The following RAB7A variants were observed in gnomAD, a reference collection of about 807,000 sequenced individuals.
RAB7A encodes ras-related protein Rab-7a.
RAB7A carries 2 observed loss-of-function variants against 24.5 expected under a neutral mutation model. That is an observed-to-expected ratio of 0.08 (90% CI 0.03 to 0.26). The LOEUF (loss-of-function observed/expected upper bound fraction) is 0.26. RAB7A is among the 10% of genes least tolerant of loss of function. The probability of loss-of-function intolerance (pLI) is 1.00; values close to 1 mark genes in which losing one functional copy is unlikely to be tolerated. For missense variants in RAB7A, 118 were observed against 255.7 expected, an observed-to-expected ratio of 0.46 and a Z score of 3.67; for synonymous variants, 100 against 95.9, an observed-to-expected ratio of 1.04 and a Z score of -0.25.
intron 1 of RAB7A, among the ~76,000 whole-genome samples, chr3:128,794,418 G>A (rs930796130): frequency 2.6e-5 from 4 of 152,124 alleles, no homozygotes; most frequent in African/African-American, 7.2e-5. Flanking sequence ...ATTAATAAGC[G>A]GCAAAACCAG....
At chr3:128,793,254 C>A (rs1228581221) in intron 1 of RAB7A, among the ~76,000 whole-genome samples, 1 of 152,152 alleles carries the variant, frequency 6.6e-6, no homozygotes, top group Non-Finnish European at 1.5e-5. Flanking sequence ...ATCTCCTGAT[C>A]TCATGATCCG....
chr3:128,775,272 T>A (rs1183262758), intron 1 of RAB7A, among the ~76,000 whole-genome samples: 1 of 152,208 alleles, frequency 6.6e-6, no homozygotes, highest in Non-Finnish European at 1.5e-5. Flanking sequence ...GCCACCTGGC[T>A]TTTAGTGAGA....
At chr3:128,772,561 T>C (rs1488297939) in intron 1 of RAB7A, among the ~76,000 whole-genome samples, 1 of 152,252 alleles carries the variant, frequency 6.6e-6, no homozygotes, top group Non-Finnish European at 1.5e-5. Context: ...ATGACACTTA[T>C]TTTAAGCCTG....
chr3:128,797,922 A>T (rs546758928), intron 2 of RAB7A, 21 bp from the exon 3 acceptor site: 1 of 1,612,256 alleles, frequency 6.2e-7, no homozygotes, highest in Non-Finnish European at 8.5e-7. Flanking sequence ...ACTTATACTT[A>T]TGGTTTTTCT....
intron 1 of RAB7A, among the ~76,000 whole-genome samples, chr3:128,777,681 T>G (rs1337494012): frequency 2.0e-5 from 3 of 152,226 alleles, no homozygotes; most frequent in African/African-American, 7.2e-5. Context: ...AACTTTACCC[T>G]GCTCAGCCAA....
intron 1 of RAB7A, among the ~76,000 whole-genome samples, chr3:128,790,923 A>C (rs1933440877): frequency 6.6e-6 from 1 of 152,192 alleles, no homozygotes; most frequent in Non-Finnish European, 1.5e-5. Context: ...CAACAACAAC[A>C]ACCCTGGACT....
chr3:128,765,532 G>A (rs966230938), intron 1 of RAB7A, among the ~76,000 whole-genome samples: 5 of 152,186 alleles, frequency 3.3e-5, no homozygotes, highest in African/African-American at 7.2e-5. Context: ...ATAAACAACA[G>A]AAGTTTATTG....
chr3:128,784,431 T>G (rs1933294286), intron 1 of RAB7A, among the ~76,000 whole-genome samples: 1 of 152,210 alleles, frequency 6.6e-6, no homozygotes, highest in Non-Finnish European at 1.5e-5. Flanking sequence ...CAGTCCTCTC[T>G]TGCCTGAAGG....
At chr3:128,768,548 G>GTGTTTTGTTT (rs141242223) in intron 1 of RAB7A, among the ~76,000 whole-genome samples, 6 of 151,944 alleles carry the variant, frequency 3.9e-5, no homozygotes, top group Admixed American at 6.6e-5. Flanking sequence ...TAAAGTGTGC[G>GTGTTTTGTTT]TGTTTTGTTT....
chr3:128,812,448 A>G (rs1295668522), intron 5 of RAB7A, among the ~76,000 whole-genome samples: 1 of 152,130 alleles, frequency 6.6e-6, no homozygotes. Flanking sequence ...GTATTCCTAG[A>G]TGTTTTATAC....
chr3:128,793,848 G>A (rs1331412463), intron 1 of RAB7A, among the ~76,000 whole-genome samples: 1 of 152,208 alleles, frequency 6.6e-6, no homozygotes, highest in African/African-American at 2.4e-5. Flanking sequence ...CCATGGGCAT[G>A]AGGCTTTTGG....
In RAB7A at chr3:128,801,928, C is replaced by T. The variant is rs118159244; in HGVS notation, c.180+3859C>T. ...AAACCTGACAAGCACAGCACTGAGG[C>T]TGCCAGGTGACTCTTGGCAGTAGCA... is the stretch of plus-strand genomic sequence containing the variant. On this transcript the variant is annotated intron_variant, in intron 3 of 5. Transcript: ENST00000265062. 0.019 allele frequency among the ~76,000 whole-genome samples: 2,829 copies of T among 152,188 alleles called. 342 individuals are homozygous for T. In the East Asian group the frequency reaches 0.35, roughly 19 times the overall value.
chr3:128,743,145 C>T (rs2070571900), intron 1 of RAB7A, among the ~76,000 whole-genome samples: 1 of 152,206 alleles, frequency 6.6e-6, no homozygotes, highest in Admixed American at 6.5e-5. Context: ...CCGGTGCCCC[C>T]TCCACATCTG....
chr3:128,777,488 C>T (rs1382101080), intron 1 of RAB7A, among the ~76,000 whole-genome samples: 1 of 152,204 alleles, frequency 6.6e-6, no homozygotes, highest in Non-Finnish European at 1.5e-5. Flanking sequence ...TGCACCCAGC[C>T]TCTATTGTTC....
chr3:128,742,215 G>A lies in RAB7A; in HGVS notation c.-9+15856G>A, dbSNP rs537781137. Among the ~76,000 whole-genome samples the A allele has an allele frequency of 3.3e-5, 5 of 152,126 alleles. No individual in the cohort carries two copies. The East Asian group carries it at 9.7e-4, about 29-fold the overall frequency. On this transcript the variant is annotated intron_variant, in intron 1 of 5. Transcript: ENST00000265062. ...TTGTTCGTTCCTCCCGTCTAGAGTT[G>A]TTTATTCCCCCCGGTGGGTTCGTGA...
intron 1 of RAB7A, among the ~76,000 whole-genome samples, chr3:128,794,206 GT>G (rs1254371995): frequency 1.3e-5 from 2 of 152,216 alleles, no homozygotes; most frequent in Non-Finnish European, 2.9e-5. Flanking sequence ...TGGACTCTGT[GT>G]TCTGTTACTC....
intron 1 of RAB7A, among the ~76,000 whole-genome samples, chr3:128,776,986 A>C (rs889492728): frequency 2.2e-4 from 29 of 132,212 alleles, no homozygotes; most frequent in African/African-American, 3.7e-4. Flanking sequence ...ACACACACAC[A>C]CCCCTATTAG....
At chr3:128,741,522 C>T (rs1051795962) in intron 1 of RAB7A, among the ~76,000 whole-genome samples, 50 of 151,994 alleles carry the variant, frequency 3.3e-4, no homozygotes, top group Non-Finnish European at 6.0e-4. Context: ...TTCCTACTTC[C>T]ATGTCTTTTT....
chr3:128,793,343 C>G (rs1933500692), intron 1 of RAB7A, among the ~76,000 whole-genome samples: 2 of 151,988 alleles, frequency 1.3e-5, no homozygotes, highest in South Asian at 4.1e-4. Flanking sequence ...TTAGTAGAGA[C>G]AGGGTTTCAT....
Sources: gnomAD v4.1 joint callset for allele counts (sites outside exome capture counted in the v4.1 genomes callset) on GRCh38, gnomAD v4.1.1 for gene constraint, MANE v1.5 for transcripts, NCBI Gene and HGNC (gene_info 2026-07-23, HGNC 2026-07-21) for gene names.